Variants in PTGER4 observed in about 807,000 individuals in gnomAD.
PTGER4 encodes prostaglandin E2 receptor EP4 subtype.
A neutral mutation model predicts 33.2 loss-of-function variants in PTGER4; 11 were observed. That is an observed-to-expected ratio of 0.33 (90% confidence interval 0.21 to 0.55). The LOEUF (loss-of-function observed/expected upper bound fraction) is 0.55, where lower values mean the gene tolerates loss of function less well. Among genes scored for constraint, PTGER4 ranks in the 20% least tolerant of loss-of-function variants. The probability of loss-of-function intolerance (pLI) is 0.92; values close to 1 mark genes in which losing one functional copy is unlikely to be tolerated. For missense variants in PTGER4, 481 were observed against 650.2 expected (o/e 0.74, Z 2.83); for synonymous variants, 275 against 281.5 (o/e 0.98, Z 0.23).
chr5:40,710,270 A>G, the PTGER4 span, among the ~76,000 whole-genome samples: 1 of 152,232 alleles, frequency 6.6e-6, no homozygotes, highest in Non-Finnish European at 1.5e-5. Flanking sequence ...GGCAAAGGAT[A>G]TGAACAGACA....
the PTGER4 span, among the ~76,000 whole-genome samples, chr5:40,723,347 T>G: frequency 6.6e-6 from 1 of 152,066 alleles, no homozygotes; most frequent in Non-Finnish European, 1.5e-5. Context: ...TTTGTTCACA[T>G]GTTTATCTGC....
intron 2 of PTGER4, among the ~76,000 whole-genome samples, chr5:40,686,430 C>T (rs1358272195): frequency 6.6e-6 from 1 of 152,192 alleles, no homozygotes; most frequent in African/African-American, 2.4e-5. Flanking sequence ...TGATACCTTC[C>T]ACACTGGGCA....
the PTGER4 span, chr5:40,716,398 T>C: frequency 6.2e-7 from 1 of 1,614,030 alleles, no homozygotes; most frequent in Non-Finnish European, 8.5e-7. Flanking sequence ...CTGTGCTACC[T>C]TCTGCTGCTC....
Position 40,681,656 on chromosome 5 carries a change from C to T in PTGER4, c.663C>T (p.Thr221=). The stretch of plus-strand genomic sequence containing the variant: ...TGCACCGCCAGTTCATGCGCCGCAC[C>T]TCGCTGGGCACCGAGCAGCACCACG... The part of the protein sequence containing the change: ...LRMHRQFMRR[T]SLGTEQHHAA... The change falls in exon 2 of 3, where the codon ACC becomes ACT. Residue 221 remains threonine, a synonymous_variant. Coordinates refer to ENST00000302472, the MANE Select transcript of PTGER4 (RefSeq NM_000958.3). The surrounding 1 kb of genome is among the most constrained non-coding windows in gnomAD (Gnocchi z 9.8). 1 of 1,594,134 alleles carries T rather than the reference C, an allele frequency of 6.3e-7. No homozygotes were observed. Among genetic ancestry groups the T allele is most frequent in the South Asian group, 1.1e-5 (1 of 90,070 alleles).
At chr5:40,718,188 G>A in the PTGER4 span, among the ~76,000 whole-genome samples, 4 of 151,968 alleles carry the variant, frequency 2.6e-5, no homozygotes, top group East Asian at 5.8e-4. Flanking sequence ...AGGCCGAGGC[G>A]AAAGCATGGA....
chr5:40,705,914 T>G, the PTGER4 span, among the ~76,000 whole-genome samples: 1 of 152,184 alleles, frequency 6.6e-6, no homozygotes, highest in Non-Finnish European at 1.5e-5. Context: ...GAAAGCAGTA[T>G]GGTGATTCCT....
intron 2 of PTGER4, among the ~76,000 whole-genome samples, chr5:40,690,331 C>T (rs943596124): frequency 6.6e-6 from 1 of 152,110 alleles, no homozygotes; most frequent in African/African-American, 2.4e-5. Flanking sequence ...CAGAGTGAGA[C>T]CCTGTCTCAA....
At chr5:40,730,488 T>A in the PTGER4 span, 1 of 568,990 alleles carries the variant, frequency 1.8e-6, no homozygotes, top group African/African-American at 1.9e-5. Context: ...TAGCATTAAG[T>A]ACATATAGTT....
chr5:40,715,198 C>T, the PTGER4 span: 5 of 151,920 alleles, frequency 3.3e-5, no homozygotes, highest in African/African-American at 4.8e-5. Context: ...TTTCATTTCA[C>T]TGAGTAGTTT....
In PTGER4 at chr5:40,693,503, C is replaced by G; in HGVS notation, c.*1125C>G. 2.0e-6 allele frequency: 2 copies of G among 985,942 alleles called. No individual in the cohort carries two copies. The highest frequency in any genetic ancestry group is 2.4e-6 in the Non-Finnish European group (2 of 829,928). 61.1% of individuals were successfully genotyped at this position (985,942 alleles called of 1,614,324 possible). On this transcript the variant is annotated 3_prime_UTR_variant, in exon 3 of 3. Transcript: ENST00000302472. ...TAGCCATTCATGTATGTCAGAAGTG[C>G]AGAATTGGGGCACTTAATGGTCACC...
downstream of PTGER4, among the ~76,000 whole-genome samples, chr5:40,697,583 C>CAAA (rs768811169): frequency 1.4e-4 from 13 of 94,732 alleles, no homozygotes; most frequent in East Asian, 4.1e-4. Flanking sequence ...AATTCCATCT[C>CAAA]AAAAAAAAAA....
At chr5:40,733,265 G>C in the PTGER4 span, among the ~76,000 whole-genome samples, 4 of 152,254 alleles carry the variant, frequency 2.6e-5, no homozygotes, top group African/African-American at 9.6e-5. Flanking sequence ...TGAGGAAGGG[G>C]CTGAAGGTCT....
rs2111790265 is a variant in PTGER4, at chr5:40,683,504, C to T, written c.867+1644C>T. On this transcript the variant is annotated intron_variant, in intron 2 of 2. Transcript: ENST00000302472. The surrounding 1 kb of genome is among the most constrained non-coding windows in gnomAD (Gnocchi z 4.2). ...CCTGATGGGGCCCCTGTTCCTGGGCCTCTGCCTTGTGTTTTACAGAACAGT... is the reference window on the plus strand; with the variant it reads ...CCTGATGGGGCCCCTGTTCCTGGGCTTCTGCCTTGTGTTTTACAGAACAGT... Among the ~76,000 whole-genome samples, 1 of 152,298 alleles carries T rather than the reference C, an allele frequency of 6.6e-6. No individual in the cohort carries two copies. The highest frequency in any genetic ancestry group is 2.1e-4 in the South Asian group (1 of 4,828).
the PTGER4 span, among the ~76,000 whole-genome samples, chr5:40,706,172 C>G: frequency 6.6e-6 from 1 of 152,114 alleles, no homozygotes; most frequent in African/African-American, 2.4e-5. Context: ...TCATGTCTTT[C>G]ATGGGAACAC....
At chr5:40,722,223 T>G in the PTGER4 span, among the ~76,000 whole-genome samples, 1 of 151,692 alleles carries the variant, frequency 6.6e-6, no homozygotes. Context: ...CACTCAGTGC[T>G]CAATGTTGCC....
intron 2 of PTGER4, chr5:40,685,223 CT>C (rs1445637660): frequency 6.0e-6 from 1 of 165,994 alleles, no homozygotes; most frequent in Non-Finnish European, 1.2e-5. Context: ...AATCTTCTGC[CT>C]TGGTGAGGTA....
downstream of PTGER4, among the ~76,000 whole-genome samples, chr5:40,694,346 C>T (rs1341555031): frequency 3.3e-5 from 5 of 152,230 alleles, no homozygotes; most frequent in Middle Eastern, 3.4e-3. Context: ...CCACCATGCC[C>T]GGCCATTTTT....
At chr5:40,718,848 C>A in the PTGER4 span, among the ~76,000 whole-genome samples, 9 of 152,024 alleles carry the variant, frequency 5.9e-5, no homozygotes, top group African/African-American at 2.2e-4. Flanking sequence ...TTGCAGTGAG[C>A]CAAGATGGTA....
chr5:40,731,625 G>A, the PTGER4 span, among the ~76,000 whole-genome samples: 2 of 152,174 alleles, frequency 1.3e-5, no homozygotes, highest in East Asian at 3.8e-4. Context: ...AGTGTCATGA[G>A]ACCAGCATGG....
Sources: gnomAD v4.1 joint callset for allele counts (sites outside exome capture counted in the v4.1 genomes callset) on GRCh38, gnomAD v4.1.1 for gene constraint, Gnocchi (gnomAD v3.1) non-coding constraint, MANE v1.5 for transcripts, NCBI Gene and HGNC (gene_info 2026-07-23, HGNC 2026-07-21) for gene names.